Variants in EPB41L2 observed in about 807,000 individuals in gnomAD.
EPB41L2 encodes the protein band 4.1-like protein 2.
EPB41L2 carries 43 observed loss-of-function variants against 113.0 expected under a neutral mutation model. The ratio of observed to expected loss-of-function variants is 0.38; its 90% CI spans 0.30 to 0.49. The LOEUF is 0.49. EPB41L2 is among the 20% of genes least tolerant of loss of function. The pLI is 0.95. For missense variants in EPB41L2, 1,147 were observed against 1,223.4 expected (o/e 0.94, Z 0.93); for synonymous variants, 442 against 436.7 (o/e 1.01, Z -0.15).
chr6:130,862,218 G>C (rs865927273), intron 18 of EPB41L2, among the ~76,000 whole-genome samples: 1 of 151,998 alleles, frequency 6.6e-6, no homozygotes, highest in Admixed American at 6.6e-5. Context: ...GTTATAAAAG[G>C]CAAAACAATA....
chr6:130,980,271 T>G (rs1380596594), intron 1 of EPB41L2, among the ~76,000 whole-genome samples: 1 of 152,040 alleles, frequency 6.6e-6, no homozygotes, highest in Non-Finnish European at 1.5e-5. Flanking sequence ...AGGCAAGTAA[T>G]AACTACAAAA....
At chr6:130,955,539 G>C (rs919079950) in intron 2 of EPB41L2, among the ~76,000 whole-genome samples, 2 of 152,070 alleles carry the variant, frequency 1.3e-5, no homozygotes, top group African/African-American at 4.8e-5. Context: ...GGCATTAAAT[G>C]AATCAAAGAA....
chr6:130,848,669 G>T (rs970316717), intron 19 of EPB41L2, among the ~76,000 whole-genome samples: 1 of 152,148 alleles, frequency 6.6e-6, no homozygotes, highest in Non-Finnish European at 1.5e-5. Context: ...CTATTTTGAT[G>T]CAAGAAAGCA....
intron 4 of EPB41L2, among the ~76,000 whole-genome samples, chr6:130,925,908 A>C (rs1337395985): frequency 6.6e-6 from 1 of 152,250 alleles, no homozygotes; most frequent in Non-Finnish European, 1.5e-5. Flanking sequence ...CAAGTATTTA[A>C]AGCTAAGCAA....
At chr6:131,000,598 T>G (rs752326406) in intron 1 of EPB41L2, 3 of 152,120 alleles carry the variant, frequency 2.0e-5, no homozygotes, top group Non-Finnish European at 4.4e-5. Flanking sequence ...CAACGGAGCA[T>G]CCCAAGGAAA....
At chr6:130,887,039 CACACCTATT>C (rs1286390982) in intron 11 of EPB41L2, among the ~76,000 whole-genome samples, 2 of 152,116 alleles carry the variant, frequency 1.3e-5, no homozygotes, top group African/African-American at 4.8e-5. Context: ...ATGATTTCTA[CACACCTATT>C]ATACATACTC....
rs572714952 is a variant in EPB41L2, at chr6:130,935,941, TC to T, written c.706-9233del. Among the ~76,000 whole-genome samples the T allele has an allele frequency of 1.2e-3, 180 of 152,122 alleles. 1 individual carries two copies. Among genetic ancestry groups the T allele is most frequent in the Non-Finnish European group, 2.6e-4 (18 of 67,992 alleles). On this transcript the variant is annotated intron_variant, in intron 3 of 19. Coordinates refer to ENST00000337057, the MANE Select transcript of EPB41L2 (RefSeq NM_001431.4). Reference sequence around the variant, plus strand: ...CTCTGGAATGAAGATGCAGAAAACCTCAAAAAAGCCCCCAGAGCAATGGATC... The same window carrying T: ...CTCTGGAATGAAGATGCAGAAAACCTAAAAAAGCCCCCAGAGCAATGGATC...
chr6:131,052,305 A>C (rs1796725507), intron 1 of EPB41L2, among the ~76,000 whole-genome samples: 1 of 152,164 alleles, frequency 6.6e-6, no homozygotes, highest in African/African-American at 2.4e-5. Context: ...TAAACTCCTA[A>C]CTTTTTGTCA....
intron 4 of EPB41L2, among the ~76,000 whole-genome samples, chr6:130,918,652 C>T (rs1801884560): frequency 6.6e-6 from 1 of 151,108 alleles, no homozygotes; most frequent in Admixed American, 6.6e-5. Context: ...GTGTCTCAAC[C>T]ATGAGAGATA....
At chr6:130,974,392 G>A (rs1185631886) in intron 1 of EPB41L2, among the ~76,000 whole-genome samples, 1 of 152,156 alleles carries the variant, frequency 6.6e-6, no homozygotes, top group Non-Finnish European at 1.5e-5. Flanking sequence ...CACGAGCTAA[G>A]ATGCCTACTT....
chr6:130,871,219 T>G (rs1410455585), intron 14 of EPB41L2, among the ~76,000 whole-genome samples: 1 of 152,220 alleles, frequency 6.6e-6, no homozygotes, highest in East Asian at 1.9e-4. Flanking sequence ...GAAACCTTTT[T>G]GTACAGAGGG....
At chr6:130,939,805 A>G (rs1264603678) in intron 3 of EPB41L2, among the ~76,000 whole-genome samples, 1 of 152,248 alleles carries the variant, frequency 6.6e-6, no homozygotes, top group Non-Finnish European at 1.5e-5. Context: ...GGTAACTTTG[A>G]CATGTGCTAT....
In EPB41L2 at chr6:130,901,025, T is replaced by C. The variant is rs73617121; in HGVS notation, c.1085A>G (p.Gln362Arg). 6.2e-7 allele frequency: 1 copy of C among 1,614,124 alleles called. No individual in the cohort carries two copies. Among genetic ancestry groups the C allele is most frequent in the African/African-American group, 1.3e-5 (1 of 75,046 alleles). Residue 362 changes from glutamine (Q) to arginine (R), a missense_variant, in exon 7 of 20, where the codon CAG (glutamine) becomes CGG (arginine). Physicochemically the swap from Gln to Arg is conservative, Grantham distance 43. Coordinates refer to ENST00000337057, the MANE Select transcript of EPB41L2 (RefSeq NM_001431.4). ...CTCCTTAGTCTGAGTAGGGGCAAAC[T>C]GGAATTCACTGAGGTCGATGCTGCC... The part of the protein sequence containing the change: ...EHGSIDLSEF[Q>R]FAPTQTKELE...
chr6:131,026,570 C>T (rs576779175), intron 1 of EPB41L2, among the ~76,000 whole-genome samples: 1 of 152,286 alleles, frequency 6.6e-6, no homozygotes, highest in East Asian at 1.9e-4. Context: ...AAACTCTGGG[C>T]TAAAGAGAAC....
intron 1 of EPB41L2, among the ~76,000 whole-genome samples, chr6:131,048,167 A>G (rs1795862346): frequency 6.7e-6 from 1 of 149,748 alleles, no homozygotes; most frequent in Admixed American, 6.6e-5. Flanking sequence ...AGAAAAAAAG[A>G]AAAGAAAAAT....
chr6:130,930,064 A>C (rs2128559572), intron 3 of EPB41L2, among the ~76,000 whole-genome samples: 1 of 152,260 alleles, frequency 6.6e-6, no homozygotes, highest in East Asian at 1.9e-4. Flanking sequence ...AAAGAGCAGC[A>C]GAGTGAGACA....
intron 3 of EPB41L2, among the ~76,000 whole-genome samples, chr6:130,947,993 A>G (rs1374150421): frequency 6.6e-6 from 1 of 152,220 alleles, no homozygotes; most frequent in Non-Finnish European, 1.5e-5. Context: ...GTGGGATAGC[A>G]TCACTAAAAT....
At chr6:130,907,887 G>A (rs1359325087) in intron 5 of EPB41L2, among the ~76,000 whole-genome samples, 1 of 152,138 alleles carries the variant, frequency 6.6e-6, no homozygotes, top group Admixed American at 6.5e-5. Context: ...AGGGCATCTT[G>A]CATGCTGGCA....
chr6:130,968,730 C>CT (rs11340034), intron 1 of EPB41L2, among the ~76,000 whole-genome samples: 19,856 of 142,386 alleles, frequency 0.14, 2,465 homozygotes, highest in African/African-American at 0.34. Context: ...GCTATAAAAC[C>CT]TTTTTTTTTT....
Sources: allele counts gnomAD v4.1 joint callset (sites outside exome capture counted in the v4.1 genomes callset), GRCh38; gene constraint gnomAD v4.1.1; transcripts MANE v1.5; gene names NCBI Gene and HGNC (gene_info 2026-07-23, HGNC 2026-07-21).